Variants in C8orf34 observed in about 807,000 individuals in gnomAD.
C8orf34 encodes the protein uncharacterized protein C8orf34.
C8orf34 carries 65 observed loss-of-function variants against 68.3 expected under a neutral mutation model. That is an observed-to-expected ratio of 0.95 (90% CI 0.78 to 1.17). The LOEUF (loss-of-function observed/expected upper bound fraction) is 1.17. Ranked by LOEUF, C8orf34 falls within the 50% of genes most tolerant of loss-of-function variation. C8orf34 has a pLI of 0.00. For missense variants in C8orf34, 664 were observed against 655.4 expected (o/e 1.01, Z -0.14); for synonymous variants, 244 against 241.2 (o/e 1.01, Z -0.11).
chr8:68,525,759 T>C (rs10110831), intron 6 of C8orf34: 558,839 of 615,614 alleles, frequency 0.91, 254,623 homozygotes, highest in East Asian at 1. Context: ...TCAATGATTT[T>C]AGATTCACCA....
At chr8:68,759,025 A>G (rs1822952358) in intron 10 of C8orf34, among the ~76,000 whole-genome samples, 1 of 152,138 alleles carries the variant, frequency 6.6e-6, no homozygotes, top group Admixed American at 6.5e-5. Context: ...CAAAAAGAGC[A>G]CCTGAACTTT....
intron 7 of C8orf34, among the ~76,000 whole-genome samples, chr8:68,544,412 A>G (rs1355817111): frequency 6.6e-6 from 1 of 152,196 alleles, no homozygotes; most frequent in Non-Finnish European, 1.5e-5. Context: ...GAAAGCGTTT[A>G]AATAGACCCA....
chr8:68,548,990 A>G (rs1173370396), intron 7 of C8orf34, among the ~76,000 whole-genome samples: 1 of 151,796 alleles, frequency 6.6e-6, no homozygotes, highest in African/African-American at 2.4e-5. Flanking sequence ...AAGGTTAAAT[A>G]AGGTTATAAG....
intron 1 of C8orf34, among the ~76,000 whole-genome samples, chr8:68,414,960 C>G (rs1472962316): frequency 6.6e-6 from 1 of 152,132 alleles, no homozygotes; most frequent in Non-Finnish European, 1.5e-5. Flanking sequence ...ATGGCTCCAG[C>G]TGGGCACCTG....
intron 1 of C8orf34, among the ~76,000 whole-genome samples, chr8:68,433,983 G>A (rs1810553159): frequency 6.6e-6 from 1 of 152,096 alleles, no homozygotes; most frequent in Non-Finnish European, 1.5e-5. Context: ...AAGGTTATCT[G>A]TTACTGGTTA....
At chr8:68,676,761 G>A (rs12334859) in intron 8 of C8orf34, among the ~76,000 whole-genome samples, 1,563 of 152,242 alleles carry the variant, frequency 0.01, 22 homozygotes, top group African/African-American at 0.035. Flanking sequence ...ACATACCTGA[G>A]ACTAGGCAAT....
intron 7 of C8orf34, among the ~76,000 whole-genome samples, chr8:68,593,754 CT>C (rs1447591318): frequency 2.6e-5 from 4 of 151,718 alleles, no homozygotes; most frequent in Non-Finnish European, 5.9e-5. Flanking sequence ...TTAATCATTT[CT>C]TTTTTATTGT....
intron 10 of C8orf34, among the ~76,000 whole-genome samples, chr8:68,750,049 A>G (rs1052791193): frequency 1.3e-5 from 2 of 152,136 alleles, no homozygotes; most frequent in African/African-American, 2.4e-5. Flanking sequence ...CTAGTTTGCA[A>G]TTCTTAAGGG....
At chr8:68,404,672 A>T (rs1466892983) in intron 1 of C8orf34, among the ~76,000 whole-genome samples, 1 of 152,186 alleles carries the variant, frequency 6.6e-6, no homozygotes, top group Non-Finnish European at 1.5e-5. Context: ...TTTGTCAAAG[A>T]TCAGATTGTT....
At chr8:68,340,451 A>G (rs1302856166) in intron 1 of C8orf34, among the ~76,000 whole-genome samples, 1 of 152,152 alleles carries the variant, frequency 6.6e-6, no homozygotes, top group East Asian at 1.9e-4. Flanking sequence ...AGCAAGACTG[A>G]CAAAGGAAAA....
chr8:68,406,567 G>A (rs1395081608), intron 1 of C8orf34, among the ~76,000 whole-genome samples: 1 of 152,042 alleles, frequency 6.6e-6, no homozygotes, highest in Non-Finnish European at 1.5e-5. Flanking sequence ...CGTGATCTCA[G>A]CACACTGCAA....
intron 1 of C8orf34, among the ~76,000 whole-genome samples, chr8:68,400,704 G>A (rs2129621231): frequency 1.3e-5 from 2 of 152,256 alleles, no homozygotes; most frequent in East Asian, 3.9e-4. Flanking sequence ...AGGACTACAA[G>A]TGTGCACCAC....
chr8:68,702,937 C>G (rs1332572208), intron 8 of C8orf34, among the ~76,000 whole-genome samples: 1 of 152,102 alleles, frequency 6.6e-6, no homozygotes, highest in Non-Finnish European at 1.5e-5. Context: ...GCTACTTGGT[C>G]CTATTTTCAG....
At chr8:68,461,820 C>G (rs1369559086) in intron 3 of C8orf34, among the ~76,000 whole-genome samples, 3 of 152,178 alleles carry the variant, frequency 2.0e-5, no homozygotes, top group Non-Finnish European at 2.9e-5. Flanking sequence ...ACAACCAGTA[C>G]CAGCCACTGC....
At chr8:68,490,409 A>G (rs1813261165) in intron 5 of C8orf34, among the ~76,000 whole-genome samples, 1 of 152,042 alleles carries the variant, frequency 6.6e-6, no homozygotes, top group Non-Finnish European at 1.5e-5. Context: ...TTGGAACTGA[A>G]ACAGATATAA....
intron 7 of C8orf34, among the ~76,000 whole-genome samples, chr8:68,562,120 T>C (rs759957283): frequency 1.7e-4 from 26 of 152,220 alleles, no homozygotes; most frequent in Admixed American, 1.2e-3. Context: ...TTTATACAAT[T>C]GGCAATACAG....
At chr8:68,706,909 G>A (rs1035120115) in intron 8 of C8orf34, among the ~76,000 whole-genome samples, 37 of 152,150 alleles carry the variant, frequency 2.4e-4, no homozygotes, top group African/African-American at 8.2e-4. Flanking sequence ...GAAAAGGGAT[G>A]TGATATTCTT....
intron 10 of C8orf34, among the ~76,000 whole-genome samples, chr8:68,774,327 G>GTATATATATATATATATATATA (rs1332535200): frequency 0.012 from 1,104 of 95,706 alleles, 66 homozygotes; most frequent in African/African-American, 0.03. Flanking sequence ...ATATGGGTGT[G>GTATATATATATATATATATATA]TGTGTATATA....
At chr8:68,432,654 G>A (rs961028259) in intron 1 of C8orf34, among the ~76,000 whole-genome samples, 28 of 152,224 alleles carry the variant, frequency 1.8e-4, no homozygotes, top group Non-Finnish European at 4.0e-4. Flanking sequence ...TTTTGACTGG[G>A]AATAAGATAA....
Sources: gnomAD v4.1 joint callset for allele counts (sites outside exome capture counted in the v4.1 genomes callset) on GRCh38, gnomAD v4.1.1 for gene constraint, MANE v1.5 for transcripts, NCBI Gene and HGNC (gene_info 2026-07-23, HGNC 2026-07-21) for gene names.